ZFHX3: variants seen among roughly 807,000 people sequenced by gnomAD.
The protein encoded by ZFHX3 is zinc finger homeobox protein 3.
Under a neutral mutation model 279.1 loss-of-function variants are expected in ZFHX3, and 42 were observed. The observed-to-expected ratio is 0.15, with a 90% CI of 0.12 to 0.19. The LOEUF is 0.19. ZFHX3 is among the 10% of genes least tolerant of loss of function. The pLI is 1.00. For synonymous variants in ZFHX3, 2,293 were observed against 1,957.8 expected, an observed-to-expected ratio of 1.17 and a Z score of -4.52; for missense variants, 4,981 against 4,754.0, an observed-to-expected ratio of 1.05 and a Z score of -1.40.
intron 5 of ZFHX3, among the ~76,000 whole-genome samples, chr16:72,828,358 T>C (rs1160494471): frequency 6.6e-6 from 1 of 152,242 alleles, no homozygotes; most frequent in Non-Finnish European, 1.5e-5. Flanking sequence ...TGAAATGACT[T>C]TGCTCCTCCT....
intron 3 of ZFHX3, among the ~76,000 whole-genome samples, chr16:73,360,916 G>A (rs1048382504): frequency 2.6e-5 from 4 of 151,994 alleles, no homozygotes; most frequent in African/African-American, 7.3e-5. Context: ...AAAAGCAATG[G>A]GGGGTCATGA....
chr16:73,700,186 A>G (rs1888463683), intron 1 of ZFHX3, among the ~76,000 whole-genome samples: 1 of 152,082 alleles, frequency 6.6e-6, no homozygotes, highest in African/African-American at 2.4e-5. Context: ...CACGCCACAC[A>G]CTCCAACCTG....
In ZFHX3 at chr16:73,310,030, T is replaced by G. The variant is rs1377671360; in HGVS notation, c.-1194+8210A>C. On this transcript the variant is annotated intron_variant, in intron 4 of 17. Transcript: ENST00000641206. ...TTCAAGCGATTCTCCTGCCTCAGCC[T>G]CCTGAGTAGCTGGGATTACAGGTGC... Among the ~76,000 whole-genome samples, 3 of 150,076 alleles carry G rather than the reference T, an allele frequency of 2.0e-5. No individual in the cohort carries two copies. In the Admixed American group the frequency reaches 2.0e-4, roughly 10 times the overall value.
At chr16:72,804,888 T>C (rs552861387) in intron 7 of ZFHX3, among the ~76,000 whole-genome samples, 2 of 152,302 alleles carry the variant, frequency 1.3e-5, no homozygotes, top group South Asian at 4.2e-4. Context: ...AATTCATCTC[T>C]TGAAGCTACC....
Position 72,811,677 on chromosome 16 carries a change from G to C in ZFHX3, c.3764C>G (p.Pro1255Arg). The C allele has an allele frequency of 6.2e-7, 1 of 1,614,062 alleles. No individual in the cohort carries two copies. The highest frequency in any genetic ancestry group is 8.5e-7 in the Non-Finnish European group (1 of 1,180,000). ...GTTGTTGAGCATGTCCTGGCACAGG[G>C]GGCAGCGAAGCATGGGTTGCACCGA... ...QHSVQPMLRCPLCQDMLNNKI... is the reference protein window; with the variant it reads ...QHSVQPMLRCRLCQDMLNNKI... Residue 1255 changes from proline (P) to arginine (R), a missense_variant, in exon 7 of 10, where the codon CCC becomes CGC. Pro to Arg is a moderately radical substitution (Grantham distance 103, BLOSUM62 -2). Around this residue, in one of 7 missense-constraint regions of ZFHX3, gnomAD observed 1,751 missense variants for 1,770.0 expected, o/e 0.99. Coordinates refer to ENST00000268489, the MANE Select transcript of ZFHX3 (RefSeq NM_006885.4).
intron 5 of ZFHX3, among the ~76,000 whole-genome samples, chr16:73,250,525 TTTTA>T (rs2013449496): frequency 6.6e-6 from 1 of 152,186 alleles, no homozygotes. Flanking sequence ...ATTCATTTTA[TTTTA>T]TTTATTCATT....
intron 4 of ZFHX3, among the ~76,000 whole-genome samples, chr16:73,260,356 T>G (rs767560053): frequency 1.3e-5 from 2 of 152,168 alleles, no homozygotes; most frequent in Non-Finnish European, 2.9e-5. Context: ...GGAGATATTT[T>G]GAGACTCTGG....
intron 2 of ZFHX3, among the ~76,000 whole-genome samples, chr16:73,582,628 C>G (rs534796349): frequency 6.6e-6 from 1 of 151,916 alleles, no homozygotes; most frequent in Non-Finnish European, 1.5e-5. Flanking sequence ...GTGCCCAGCA[C>G]CACACCCAGC....
intron 8 of ZFHX3, among the ~76,000 whole-genome samples, chr16:73,089,694 T>C (rs546201554): frequency 1.3e-5 from 2 of 152,314 alleles, no homozygotes; most frequent in African/African-American, 4.8e-5. Flanking sequence ...CAGGGAAGGC[T>C]CTCATCCTTG....
chr16:73,028,703 G>A (rs1458307014), intron 1 of ZFHX3, among the ~76,000 whole-genome samples: 1 of 152,240 alleles, frequency 6.6e-6, no homozygotes, highest in Non-Finnish European at 1.5e-5. Context: ...CCATGGTACA[G>A]GCTTTGCTTC....
chr16:73,641,697 G>T (rs1343885268), intron 2 of ZFHX3, among the ~76,000 whole-genome samples: 1 of 152,016 alleles, frequency 6.6e-6, no homozygotes, highest in Non-Finnish European at 1.5e-5. Flanking sequence ...GCATTATTTA[G>T]AAATACATAA....
intron 5 of ZFHX3, among the ~76,000 whole-genome samples, chr16:73,209,543 T>G (rs898922180): frequency 2.6e-5 from 4 of 152,188 alleles, no homozygotes; most frequent in African/African-American, 9.7e-5. Context: ...CAAGCCCTTT[T>G]TATAGCAACA....
intron 2 of ZFHX3, among the ~76,000 whole-genome samples, chr16:73,505,161 T>C (rs1418988051): frequency 6.6e-6 from 1 of 152,136 alleles, no homozygotes; most frequent in Non-Finnish European, 1.5e-5. Context: ...GCGGAAAATA[T>C]TCATCAACCC....
intron 4 of ZFHX3, among the ~76,000 whole-genome samples, chr16:73,265,078 C>CGTGCGTGT (rs1555507010): frequency 1.4e-5 from 2 of 145,928 alleles, no homozygotes; most frequent in African/African-American, 2.6e-5. Context: ...CGCATATATG[C>CGTGCGTGT]GTGTGTGTGT....
intron 5 of ZFHX3, among the ~76,000 whole-genome samples, chr16:73,152,760 T>TA (rs1244368235): frequency 0.081 from 2,762 of 33,920 alleles, 118 homozygotes; most frequent in African/African-American, 0.22. Context: ...ATGAGTTGCT[T>TA]AAAAAAAAAA....
intron 4 of ZFHX3, among the ~76,000 whole-genome samples, chr16:72,838,477 G>T (rs2037256935): frequency 6.6e-6 from 1 of 152,212 alleles, no homozygotes; most frequent in Non-Finnish European, 1.5e-5. Flanking sequence ...ACAGGAGAGA[G>T]CCTGTTACGA....
At position 73,297,041 on chromosome 16, in the gene ZFHX3, C is replaced by A. The variant is rs886256745; in HGVS notation, c.-1194+21199G>T. Among the ~76,000 whole-genome samples, 12 of 151,786 alleles carry A rather than the reference C, an allele frequency of 7.9e-5. No homozygotes were observed. In the East Asian group the frequency reaches 1.7e-3, roughly 22 times the overall value. ...TACAGGCGCCCACCACCCTGCCCGG[C>A]TAATTTTTTGTATTTTTAGTAGAGA... On this transcript the variant is annotated intron_variant, in intron 4 of 17. Coordinates refer to the ZFHX3 transcript ENST00000641206.
chr16:73,054,107 A>G (rs749270063), intron 1 of ZFHX3, among the ~76,000 whole-genome samples: 2 of 152,122 alleles, frequency 1.3e-5, no homozygotes, highest in Non-Finnish European at 2.9e-5. Flanking sequence ...CCCAGTTACT[A>G]CTGCCCCCTC....
chr16:73,887,503 A>G (rs904290992), intron 1 of ZFHX3, among the ~76,000 whole-genome samples: 3 of 152,210 alleles, frequency 2.0e-5, no homozygotes, highest in African/African-American at 7.2e-5. Flanking sequence ...AACTTCCAAA[A>G]TGATGTACTC....
Sources: allele counts gnomAD v4.1 joint callset (sites outside exome capture counted in the v4.1 genomes callset), GRCh38; gene constraint gnomAD v4.1.1; regional missense constraint gnomAD v4.1.1; transcripts MANE v1.5; gene names NCBI Gene and HGNC (gene_info 2026-07-23, HGNC 2026-07-21).